GMCL1: variants seen among roughly 807,000 people sequenced by gnomAD.
GMCL1 encodes the protein germ cell-less protein-like 1.
GMCL1 carries 54 observed loss-of-function variants against 75.5 expected under a neutral mutation model. The observed-to-expected ratio is 0.71, with a 90% confidence interval of 0.57 to 0.90. The LOEUF is 0.90. Among genes scored for constraint, GMCL1 ranks in the 40% least tolerant of loss-of-function variants. The pLI is 0.00. For synonymous variants in GMCL1, 210 were observed against 209.6 expected (o/e 1.00, Z -0.02); for missense variants, 537 against 622.7 (o/e 0.86, Z 1.47).
intron 4 of GMCL1, among the ~76,000 whole-genome samples, chr2:69,841,399 A>C (rs375277157): frequency 6.6e-6 from 1 of 152,216 alleles, no homozygotes; most frequent in Non-Finnish European, 1.5e-5. Context: ...GGTTCAAATA[A>C]ACATGCATGC....
chr2:69,859,596 C>T (rs72839885), intron 9 of GMCL1, among the ~76,000 whole-genome samples: 31,092 of 151,260 alleles, frequency 0.21, 3,357 homozygotes, highest in African/African-American at 0.25. Context: ...ATTAGCTAGG[C>T]ATGGTGGCAG....
intron 9 of GMCL1, among the ~76,000 whole-genome samples, chr2:69,858,903 T>A (rs1277035268): frequency 6.6e-6 from 1 of 151,956 alleles, no homozygotes; most frequent in Non-Finnish European, 1.5e-5. Context: ...ATCCCAGCAC[T>A]TTGGAAGGCC....
At chr2:69,868,896 A>G (rs1188438428) in intron 11 of GMCL1, among the ~76,000 whole-genome samples, 1 of 149,580 alleles carries the variant, frequency 6.7e-6, no homozygotes, top group Admixed American at 6.6e-5. Flanking sequence ...CGTGTGGATC[A>G]CAAGGTCAGC....
chr2:69,869,982 G>A, intron 12 of GMCL1, 118 bp downstream of exon 12: 1 of 990,532 alleles, frequency 1.0e-6, no homozygotes. Context: ...ATATGTGGAA[G>A]TGGTAGGAAA....
At chr2:69,865,132 C>T (rs1675773941) in intron 11 of GMCL1, among the ~76,000 whole-genome samples, 157 bp downstream of exon 11, 1 of 152,168 alleles carries the variant, frequency 6.6e-6, no homozygotes, top group Non-Finnish European at 1.5e-5. Flanking sequence ...GTTACAGCCA[C>T]CACACTCAGT....
rs192160238 is a variant in GMCL1 at position 69,853,848 on chromosome 2, G to A, written c.935-975G>A. Among the ~76,000 whole-genome samples, 4 of 152,074 alleles carry A rather than the reference G, an allele frequency of 2.6e-5. No homozygotes were observed. In the East Asian group the frequency reaches 7.7e-4, roughly 29 times the overall value. The stretch of plus-strand genomic sequence containing the variant: ...GACAGAGTTTCACTCTGTCACCCAG[G>A]CTAGAGTGCAGTGGCGCAATCTCAG... On this transcript the variant is annotated intron_variant, in intron 8 of 13. Transcript: ENST00000282570.
At chr2:69,876,670 T>C (rs17037194) in intron 13 of GMCL1, among the ~76,000 whole-genome samples, 31,497 of 152,016 alleles carry the variant, frequency 0.21, 3,411 homozygotes, top group African/African-American at 0.25. Flanking sequence ...TGGTGAGACA[T>C]TGAAAAGCTG....
chr2:69,851,630 C>T (rs1005890544), intron 8 of GMCL1, among the ~76,000 whole-genome samples: 5 of 151,964 alleles, frequency 3.3e-5, no homozygotes, highest in Middle Eastern at 3.4e-3. Flanking sequence ...ATTAGCAGGG[C>T]GTGGTGGCAT....
intron 13 of GMCL1, among the ~76,000 whole-genome samples, chr2:69,874,757 T>C (rs61138247): frequency 0.27 from 40,386 of 149,592 alleles, 6,136 homozygotes; most frequent in African/African-American, 0.39. Flanking sequence ...TTTTTTTTTT[T>C]CCGAGACAGG....
chr2:69,845,473 G>A (rs1361821950), intron 6 of GMCL1, among the ~76,000 whole-genome samples: 1 of 152,176 alleles, frequency 6.6e-6, no homozygotes, highest in Non-Finnish European at 1.5e-5. Flanking sequence ...TGGGGGCCTT[G>A]GTATGTTGCC....
intron 1 of GMCL1, among the ~76,000 whole-genome samples, chr2:69,833,137 A>G (rs1674722262): frequency 6.6e-6 from 1 of 152,252 alleles, no homozygotes; most frequent in Non-Finnish European, 1.5e-5. Flanking sequence ...CCAGAAGGCT[A>G]AAGATATTTA....
chr2:69,847,542 G>A lies in GMCL1; in HGVS notation c.759-1G>A, dbSNP rs750192132. ...TCACTCCCTCTATTTATCCTTTTCAGTATAAATGTCATGAAACAGCTCATT... is the reference window on the plus strand; with the variant it reads ...TCACTCCCTCTATTTATCCTTTTCAATATAAATGTCATGAAACAGCTCATT... On this transcript the variant is annotated splice_acceptor_variant, in intron 6 of 13. Transcript: ENST00000282570. LOFTEE classifies it high-confidence loss of function. The A allele has an allele frequency of 1.3e-6, 2 of 1,590,420 alleles. No individual in the cohort carries two copies. The highest frequency in any genetic ancestry group is 1.7e-5 in the Admixed American group (1 of 59,958).
intron 12 of GMCL1, 80 bp downstream of exon 12, chr2:69,869,944 C>T: frequency 1.4e-6 from 2 of 1,406,946 alleles, no homozygotes; most frequent in Non-Finnish European, 1.9e-6. Flanking sequence ...TTTACACCAA[C>T]ATTAGTAGAA....
intron 8 of GMCL1, among the ~76,000 whole-genome samples, chr2:69,852,979 T>C (rs1322981127): frequency 2.0e-5 from 3 of 152,242 alleles, no homozygotes; most frequent in Non-Finnish European, 4.4e-5. Flanking sequence ...ATTTGGCTGA[T>C]GGAATAAGTA....
At chr2:69,878,854 G>GT (rs1676199957) in intron 13 of GMCL1, 55 bp from the exon 14 acceptor site, 2 of 1,279,266 alleles carry the variant, frequency 1.6e-6, no homozygotes, top group Non-Finnish European at 2.3e-6. Flanking sequence ...CAACAGTTTG[G>GT]TTTTTTGTTT....
chr2:69,857,664 T>TA (rs770569819), intron 9 of GMCL1, among the ~76,000 whole-genome samples: 13 of 152,240 alleles, frequency 8.5e-5, no homozygotes, highest in Non-Finnish European at 1.5e-4. Flanking sequence ...TTTGTGTTAA[T>TA]ATTTTATACC....
Position 69,844,190 on chromosome 2 carries a change from A to C in GMCL1, c.752A>C (p.Glu251Ala). 1 of 1,551,382 alleles carries C rather than the reference A, an allele frequency of 6.4e-7. No homozygotes were observed. Among genetic ancestry groups the C allele is most frequent in the Non-Finnish European group, 8.8e-7 (1 of 1,140,832 alleles). ...MTHQNVELFKELSINVMKQLI... is the reference protein window; with the variant it reads ...MTHQNVELFKALSINVMKQLI... ...CACCAGAATGTTGAACTTTTTAAAG[A>C]ACTCAGGTATTTGAATTTCAAGTAA... The change falls in exon 6 of 14, where the codon GAA becomes GCA. Residue 251 changes from glutamate (E) to alanine (A), a missense_variant. Around this residue, in one of 3 missense-constraint regions of GMCL1, gnomAD observed 345 missense variants for 410.5 expected, o/e 0.84. Transcript: ENST00000282570.
chr2:69,856,696 C>T (rs564755614), intron 9 of GMCL1, among the ~76,000 whole-genome samples: 17 of 132,916 alleles, frequency 1.3e-4, no homozygotes, highest in Non-Finnish European at 2.2e-4. Flanking sequence ...ATTTTCCCTC[C>T]GTAGAAGACT....
rs1163224205 is a variant in GMCL1 at position 69,879,801 on chromosome 2, A to G, written c.*797A>G. The G allele has an allele frequency of 1.3e-5, 2 of 152,078 alleles. No homozygotes were observed. 9.4% of individuals were successfully genotyped at this position (152,078 alleles called of 1,614,324 possible). On this transcript the variant is annotated 3_prime_UTR_variant, in exon 14 of 14. Transcript: ENST00000282570. ...CTTTGACAGTCTGTACACCTTTATT[A>G]TTAGGTTTTGAATTATTTATGTACC...
Sources: gnomAD v4.1 joint callset for allele counts (sites outside exome capture counted in the v4.1 genomes callset) on GRCh38, gnomAD v4.1.1 for gene constraint, gnomAD v4.1.1 regional missense constraint, MANE v1.5 for transcripts, NCBI Gene and HGNC (gene_info 2026-07-23, HGNC 2026-07-21) for gene names.